Variants in HHEX observed in about 807,000 individuals in gnomAD.
The protein encoded by HHEX is hematopoietically expressed homeobox.
Under a neutral mutation model 27.0 loss-of-function variants are expected in HHEX, and 8 were observed. The observed-to-expected ratio is 0.30, with a 90% CI of 0.17 to 0.54. The LOEUF (loss-of-function observed/expected upper bound fraction) is 0.54, where lower values mean the gene tolerates loss of function less well. Among genes scored for constraint, HHEX ranks in the 20% least tolerant of loss-of-function variants. HHEX has a pLI of 0.95. For synonymous variants in HHEX, 164 were observed against 161.5 expected (o/e 1.02, Z -0.12); for missense variants, 326 against 357.2 (o/e 0.91, Z 0.70).
intron 1 of HHEX, 151 bp downstream of exon 1, chr10:92,690,498 C>A: frequency 1.0e-6 from 1 of 971,820 alleles, no homozygotes; most frequent in Non-Finnish European, 1.4e-6. Context: ...GGACGGGAGG[C>A]GCGCGGCCGG....
At position 92,690,037 on chromosome 10, in the gene HHEX, G is replaced by C. The variant is rs535776260; in HGVS notation, c.51G>C (p.Leu17=). The C allele has an allele frequency of 3.2e-5, 49 of 1,522,058 alleles. No homozygotes were observed. In the East Asian group the frequency reaches 1.0e-3, roughly 31 times the overall value. 94.3% of individuals were successfully genotyped at this position (1,522,058 alleles called of 1,614,324 possible). The change falls in exon 1 of 4, where the codon CTG becomes CTC. Residue 17 remains leucine (L), a synonymous_variant. Coordinates refer to ENST00000282728, the MANE Select transcript of HHEX (RefSeq NM_002729.5). Reference sequence around the variant, plus strand: ...CGGCGGGCGCCGTGGGGGTGCCGCTGTACGCGCCCACGCCGCTGCTGCAAC... The same window carrying C: ...CGGCGGGCGCCGTGGGGGTGCCGCTCTACGCGCCCACGCCGCTGCTGCAAC... ...GPAAGAVGVP[L]YAPTPLLQPA... is the part of the protein sequence containing the mutation.
intron 3 of HHEX, among the ~76,000 whole-genome samples, chr10:92,693,796 A>G (rs189988036): frequency 1.1e-3 from 168 of 152,354 alleles, no homozygotes; most frequent in East Asian, 5.4e-3. Flanking sequence ...CAAGTATAGG[A>G]TTAAAAATTC....
At chr10:92,692,814 G>A in intron 3 of HHEX, 62 bp downstream of exon 3, 1 of 1,362,386 alleles carries the variant, frequency 7.3e-7, no homozygotes, top group Non-Finnish European at 1.0e-6. Context: ...TCAGTGCAAG[G>A]CTGTTATGGG....
chr10:92,694,513 C>A lies in HHEX; in HGVS notation c.592-34C>A, dbSNP rs750405872. The A allele has an allele frequency of 7.4e-6, 11 of 1,485,310 alleles. No homozygotes were observed. In the South Asian group the frequency reaches 1.3e-4, roughly 17 times the overall value. The allele number at this position is 1,485,310 out of a possible 1,614,324, so 92.0% of individuals were successfully genotyped here. On this transcript the variant is annotated intron_variant, in intron 3 of 3. Coordinates refer to ENST00000282728, the MANE Select transcript of HHEX (RefSeq NM_002729.5). ...CTCTCACCTATCCATATTTTATGAT[C>A]CTTCCAATCTCCATTTTCATTTCCT...
chr10:92,692,282 C>T, intron 1 of HHEX, 86 bp from the exon 2 acceptor site: 2 of 1,451,606 alleles, frequency 1.4e-6, no homozygotes, highest in Non-Finnish European at 9.4e-7. Flanking sequence ...CCTGGCCTAC[C>T]TTTGTCATCC....
chr10:92,691,439 C>T (rs1258229296), intron 1 of HHEX: 1 of 152,230 alleles, frequency 6.6e-6, no homozygotes, highest in Admixed American at 6.5e-5. Context: ...ATTTTAATGT[C>T]TCCATTATTA....
chr10:92,690,597 A>G (rs1564728677), intron 1 of HHEX, among the ~76,000 whole-genome samples: 1 of 152,088 alleles, frequency 6.6e-6, no homozygotes, highest in Non-Finnish European at 1.5e-5. Context: ...CGGCGAGGGC[A>G]GCCGTGGACC....
At chr10:92,694,355 T>C (rs1845384265) in intron 3 of HHEX, among the ~76,000 whole-genome samples, 192 bp from the exon 4 acceptor site, 1 of 152,214 alleles carries the variant, frequency 6.6e-6, no homozygotes, top group Admixed American at 6.5e-5. Context: ...ATCTTTGATA[T>C]GACAGAAACT....
At chr10:92,692,238 TGGG>T in intron 1 of HHEX, 127 bp from the exon 2 acceptor site, 1 of 828,378 alleles carries the variant, frequency 1.2e-6, no homozygotes, top group South Asian at 1.7e-5. Context: ...CACGTGCCGG[TGGG>T]TGTATGTGAA....
Position 92,690,227 on chromosome 10 carries a change from C to T in HHEX, c.241C>T (p.His81Tyr). 1 of 1,570,036 alleles carries T rather than the reference C, an allele frequency of 6.4e-7. No individual in the cohort carries two copies. Among genetic ancestry groups the T allele is most frequent in the Non-Finnish European group, 8.6e-7 (1 of 1,158,574 alleles). The change falls in exon 1 of 4, where the codon CAC becomes TAC. Residue 81 changes from histidine to tyrosine, a missense_variant. By Grantham distance (83) the His-to-Tyr change is moderately conservative (BLOSUM62 2). Coordinates refer to ENST00000282728, the MANE Select transcript of HHEX (RefSeq NM_002729.5). The stretch of plus-strand genomic sequence containing the variant: ...CACGCCGATCCATCCAGCCTTCTCG[C>T]ACCACTCCGCCGCCGCGCTGGCCGC... ...EPTPIHPAFS[H>Y]HSAAALAAAY...
Position 92,690,088 on chromosome 10 carries a change from C to A in HHEX, c.102C>A (p.Ile34=). The change falls in exon 1 of 4, where the codon ATC becomes ATA. Residue 34 remains isoleucine, a synonymous_variant. Transcript: ENST00000282728. The stretch of plus-strand genomic sequence containing the variant: ...CCGCACACCCGACGCCCTTTTACAT[C>A]GAGGACATCCTGGGCCGCGGGCCCG... ...LQPAHPTPFY[I]EDILGRGPAA... 6.5e-7 allele frequency: 1 copy of A among 1,547,584 alleles called. No homozygotes were observed. Among genetic ancestry groups the A allele is most frequent in the African/African-American group, 1.4e-5 (1 of 72,868 alleles).
intron 3 of HHEX, among the ~76,000 whole-genome samples, chr10:92,693,545 C>G (rs1206143225): frequency 6.6e-6 from 1 of 152,034 alleles, no homozygotes; most frequent in Non-Finnish European, 1.5e-5. Context: ...AAATTTAAAG[C>G]AAAGTGGATT....
chr10:92,693,806 C>T (rs1435690505), intron 3 of HHEX, among the ~76,000 whole-genome samples: 1 of 152,148 alleles, frequency 6.6e-6, no homozygotes, highest in African/African-American at 2.4e-5. Context: ...ATTAAAAATT[C>T]ACTAGCTTAT....
intron 1 of HHEX, among the ~76,000 whole-genome samples, chr10:92,690,563 C>T (rs1222696697): frequency 2.0e-5 from 3 of 151,820 alleles, no homozygotes; most frequent in Non-Finnish European, 2.9e-5. Flanking sequence ...GGCGTCGGGG[C>T]GCGCGGGCCG....
In HHEX at chr10:92,695,555, G is replaced by T. The variant is rs1845397797; in HGVS notation, c.*787G>T. Reference sequence around the variant, plus strand: ...ATGTTTATAATGTGTATATAGAATTGTTCACTGTAAAAAAAATGGCCAAAA... The same window carrying T: ...ATGTTTATAATGTGTATATAGAATTTTTCACTGTAAAAAAAATGGCCAAAA... On this transcript the variant is annotated 3_prime_UTR_variant, in exon 4 of 4. Transcript: ENST00000282728. 6.6e-6 allele frequency: 1 copy of T among 151,536 alleles called. No homozygotes were observed. The highest frequency in any genetic ancestry group is 2.4e-5 in the African/African-American group (1 of 41,198). 9.4% of individuals were successfully genotyped at this position (151,536 alleles called of 1,614,324 possible).
Position 92,689,955 on chromosome 10 carries a change from A to G in HHEX, c.-32A>G. ...ATGTAGCGCCGCGGCGCGGGCCAGC[A>G]GCTCTGCGAGGGGCCGGAGCGCGGC... is the stretch of plus-strand genomic sequence containing the variant. On this transcript the variant is annotated 5_prime_UTR_variant, in exon 1 of 4. Transcript: ENST00000282728. 7.7e-6 allele frequency: 10 copies of G among 1,303,612 alleles called. No homozygotes were observed. The highest frequency in any genetic ancestry group is 9.7e-6 in the Non-Finnish European group (10 of 1,028,534). 80.8% of individuals were successfully genotyped at this position (1,303,612 alleles called of 1,614,324 possible). A position where few individuals can be genotyped will look rare whatever the true frequency, so the allele number is the denominator to read the frequency against.
At chr10:92,692,324 G>A (rs931599532) in intron 1 of HHEX, 44 bp from the exon 2 acceptor site, 3 of 1,602,226 alleles carry the variant, frequency 1.9e-6, no homozygotes, top group Middle Eastern at 2.3e-4. Context: ...GTCTGGCCAG[G>A]CCGCTCCAGG....
chr10:92,690,218 G>A lies in HHEX; in HGVS notation c.232G>A (p.Ala78Thr). ...GTACGAGCCCACGCCGATCCATCCAGCCTTCTCGCACCACTCCGCCGCCGC... is the reference window on the plus strand; with the variant it reads ...GTACGAGCCCACGCCGATCCATCCAACCTTCTCGCACCACTCCGCCGCCGC... ...PVYEPTPIHP[A>T]FSHHSAAALA... Residue 78 changes from alanine (A) to threonine (T), a missense_variant, in exon 1 of 4, where the codon GCC becomes ACC. Physicochemically the swap from Ala to Thr is moderately conservative, Grantham distance 58. Around this residue, in one of 4 missense-constraint regions of HHEX, gnomAD observed 215 missense variants for 196.4 expected, o/e 1.09. Transcript: ENST00000282728. 1 of 1,573,396 alleles carries A rather than the reference G, an allele frequency of 6.4e-7. No homozygotes were observed. Among genetic ancestry groups the A allele is most frequent in the Non-Finnish European group, 8.6e-7 (1 of 1,160,408 alleles).
At chr10:92,693,104 G>A (rs575051547) in intron 3 of HHEX, among the ~76,000 whole-genome samples, 3 of 152,302 alleles carry the variant, frequency 2.0e-5, no homozygotes, top group African/African-American at 7.2e-5. Context: ...GGAGAAAATT[G>A]TTTCTTTTAT....
Sources: allele counts gnomAD v4.1 joint callset (sites outside exome capture counted in the v4.1 genomes callset), GRCh38; gene constraint gnomAD v4.1.1; regional missense constraint gnomAD v4.1.1; transcripts MANE v1.5; gene names NCBI Gene and HGNC (gene_info 2026-07-23, HGNC 2026-07-21).